Variants in ATP8A2 observed in about 807,000 individuals in gnomAD.
ATP8A2 encodes the protein ATPase phospholipid transporting 8A2, also known as phospholipid-transporting ATPase IB.
In ATP8A2, 100 loss-of-function variants were observed where a neutral mutation model predicts 165.6. The ratio of observed to expected loss-of-function variants is 0.60; its 90% CI spans 0.51 to 0.71. ATP8A2 has a LOEUF of 0.71. ATP8A2 is among the 30% of genes least tolerant of loss of function. ATP8A2 has a pLI of 0.00. For missense variants in ATP8A2, 1,227 were observed against 1,479.5 expected, an observed-to-expected ratio of 0.83 and a Z score of 2.80; for synonymous variants, 543 against 548.8, an observed-to-expected ratio of 0.99 and a Z score of 0.15.
chr13:25,959,826 A>G (rs948187345), intron 33 of ATP8A2, among the ~76,000 whole-genome samples: 1 of 152,234 alleles, frequency 6.6e-6, no homozygotes, highest in African/African-American at 2.4e-5. Flanking sequence ...ACTCTTGTGA[A>G]TATCATTGTA....
chr13:25,851,259 A>G (rs1951999921), intron 30 of ATP8A2, among the ~76,000 whole-genome samples: 1 of 152,230 alleles, frequency 6.6e-6, no homozygotes, highest in South Asian at 2.1e-4. Flanking sequence ...GAATGCCAGT[A>G]GCATTCACTG....
chr13:25,442,905 G>A (rs2034971346), intron 1 of ATP8A2, among the ~76,000 whole-genome samples: 1 of 152,084 alleles, frequency 6.6e-6, no homozygotes, highest in South Asian at 2.1e-4. Flanking sequence ...TGTTGTTGTT[G>A]TTGATACTTT....
At chr13:25,430,464 A>G (rs527621133) in intron 1 of ATP8A2, among the ~76,000 whole-genome samples, 1 of 152,268 alleles carries the variant, frequency 6.6e-6, no homozygotes, top group South Asian at 2.1e-4. Flanking sequence ...CTTGTCATTG[A>G]CCTCGGCAGA....
rs2042992619 is a variant in ATP8A2, at chr13:25,703,467, C to T, written c.2384+4122C>T. Among the ~76,000 whole-genome samples the T allele has an allele frequency of 2.0e-5, 3 of 152,112 alleles. No individual in the cohort carries two copies. The South Asian group carries it at 6.2e-4, about 32-fold the overall frequency. ...AATTGCACTCTTAGGTAGGTATACA[C>T]CCAAAAGAATTAAAAACAGGCACTC... On this transcript the variant is annotated intron_variant, in intron 25 of 36. Transcript: ENST00000381655.
chr13:25,785,216 T>C (rs910473833), intron 27 of ATP8A2, among the ~76,000 whole-genome samples: 7 of 151,568 alleles, frequency 4.6e-5, no homozygotes, highest in Middle Eastern at 3.4e-3. Flanking sequence ...CTGGCCAACA[T>C]GGTGAAACCC....
chr13:25,519,256 G>C (rs987162154), intron 2 of ATP8A2, among the ~76,000 whole-genome samples: 1 of 152,048 alleles, frequency 6.6e-6, no homozygotes, highest in African/African-American at 2.4e-5. Flanking sequence ...ACCTTCCCTC[G>C]CCACTCTGTT....
intron 2 of ATP8A2, among the ~76,000 whole-genome samples, chr13:25,513,729 C>T (rs1026586474): frequency 2.6e-4 from 40 of 152,270 alleles, no homozygotes; most frequent in South Asian, 4.2e-4. Context: ...CCGAGGCTGG[C>T]GGATCACTCG....
intron 33 of ATP8A2, among the ~76,000 whole-genome samples, chr13:25,903,032 C>T (rs1953812405): frequency 6.6e-6 from 1 of 151,848 alleles, no homozygotes; most frequent in African/African-American, 2.4e-5. Context: ...TCTCGAATCA[C>T]TTGAACCTGG....
At chr13:25,597,250 G>A (rs1379899096) in intron 24 of ATP8A2, among the ~76,000 whole-genome samples, 1 of 151,974 alleles carries the variant, frequency 6.6e-6, no homozygotes, top group Non-Finnish European at 1.5e-5. Flanking sequence ...AGGGAAAATA[G>A]ACCCTAGGCT....
At position 25,486,285 on chromosome 13, in the gene ATP8A2, C is replaced by T. The variant is rs749285517; in HGVS notation, c.221+17164C>T. The stretch of plus-strand genomic sequence containing the variant: ...CTGGTGTTTGCCATAGAGTTAAATA[C>T]GTTTTTTATAGAAATCAACCTGTGA... On this transcript the variant is annotated intron_variant, in intron 2 of 36. Coordinates refer to ENST00000381655, the MANE Select transcript of ATP8A2 (RefSeq NM_016529.6). Among the ~76,000 whole-genome samples, 22 of 152,208 alleles carry T rather than the reference C, an allele frequency of 1.4e-4. No individual in the cohort carries two copies. The East Asian group carries it at 2.9e-3, about 20-fold the overall frequency.
At chr13:25,516,295 C>G (rs2037467244) in intron 2 of ATP8A2, among the ~76,000 whole-genome samples, 1 of 152,074 alleles carries the variant, frequency 6.6e-6, no homozygotes, top group Non-Finnish European at 1.5e-5. Context: ...TGACTGAGGG[C>G]AAAAGCGTTT....
chr13:25,684,955 A>G (rs1272786174), intron 24 of ATP8A2, among the ~76,000 whole-genome samples: 1 of 152,196 alleles, frequency 6.6e-6, no homozygotes, highest in African/African-American at 2.4e-5. Flanking sequence ...TAAACCTTGA[A>G]AGTTGTCTTG....
chr13:25,766,707 T>G (rs998884876), intron 25 of ATP8A2, among the ~76,000 whole-genome samples: 1 of 152,160 alleles, frequency 6.6e-6, no homozygotes, highest in Non-Finnish European at 1.5e-5. Flanking sequence ...TGTATTTCCC[T>G]CAAAAATTAA....
chr13:25,481,203 AACAGGGACAGGG>A (rs144557425), intron 2 of ATP8A2, among the ~76,000 whole-genome samples: 21 of 149,416 alleles, frequency 1.4e-4, no homozygotes, highest in African/African-American at 4.5e-4. Flanking sequence ...CAGGGAGAGG[AACAGGGACAGGG>A]ACAGGGACAG....
chr13:25,724,208 T>G (rs2043445879), intron 25 of ATP8A2, among the ~76,000 whole-genome samples: 1 of 152,208 alleles, frequency 6.6e-6, no homozygotes, highest in Non-Finnish European at 1.5e-5. Flanking sequence ...AATAGAAAAC[T>G]AATGCATTCA....
chr13:25,881,864 A>C (rs1043178789), intron 33 of ATP8A2, among the ~76,000 whole-genome samples: 6 of 152,222 alleles, frequency 3.9e-5, no homozygotes, highest in Admixed American at 3.3e-4. Context: ...CATTTTAACT[A>C]AGCCCCAGGT....
chr13:25,398,618 G>C (rs1317269337), intron 1 of ATP8A2, among the ~76,000 whole-genome samples: 1 of 152,226 alleles, frequency 6.6e-6, no homozygotes, highest in African/African-American at 2.4e-5. Flanking sequence ...ACATACAGTA[G>C]ATGTTAATAA....
intron 34 of ATP8A2, among the ~76,000 whole-genome samples, chr13:25,966,309 G>A (rs1955775946): frequency 1.3e-5 from 2 of 152,302 alleles, no homozygotes; most frequent in African/African-American, 4.8e-5. Context: ...CACGCCAAAC[G>A]CCAGCTCCTG....
At chr13:25,410,511 C>T (rs561411049) in intron 1 of ATP8A2, among the ~76,000 whole-genome samples, 48 of 152,280 alleles carry the variant, frequency 3.2e-4, no homozygotes, top group African/African-American at 1.2e-3. Flanking sequence ...GTGCATGGTG[C>T]ATGTCAGTTC....
Sources: gnomAD v4.1 joint callset for allele counts (sites outside exome capture counted in the v4.1 genomes callset) on GRCh38, gnomAD v4.1.1 for gene constraint, MANE v1.5 for transcripts, NCBI Gene and HGNC (gene_info 2026-07-23, HGNC 2026-07-21) for gene names.